The following PCDH9 variants were observed in gnomAD, a reference collection of about 807,000 sequenced individuals.
PCDH9 encodes the protein protocadherin 9.
In PCDH9, 24 loss-of-function variants were observed where a neutral mutation model predicts 70.6. The observed-to-expected ratio is 0.34, with a 90% CI of 0.25 to 0.48. PCDH9 has a LOEUF of 0.48. PCDH9 is among the 20% of genes least tolerant of loss of function. The pLI is 0.99. For synonymous variants in PCDH9, 562 were observed against 558.5 expected, an observed-to-expected ratio of 1.01 and a Z score of -0.09; for missense variants, 1,281 against 1,503.6, an observed-to-expected ratio of 0.85 and a Z score of 2.45.
At chr13:66,735,449 G>T (rs2079133846) in intron 3 of PCDH9, among the ~76,000 whole-genome samples, 1 of 152,000 alleles carries the variant, frequency 6.6e-6, no homozygotes, top group Non-Finnish European at 1.5e-5. Flanking sequence ...ACAGACAGAT[G>T]TATATATAAC....
chr13:66,824,287 C>T (rs1304975791), intron 3 of PCDH9, among the ~76,000 whole-genome samples: 1 of 132,078 alleles, frequency 7.6e-6, no homozygotes, highest in African/African-American at 2.8e-5. Flanking sequence ...AAAATTTTGC[C>T]CTCATTTGTT....
intron 3 of PCDH9, among the ~76,000 whole-genome samples, chr13:66,699,754 C>T (rs2078612793): frequency 1.3e-5 from 2 of 152,120 alleles, no homozygotes; most frequent in Non-Finnish European, 2.9e-5. Context: ...ATGTAAGATA[C>T]TCAGTTGGTG....
At chr13:66,651,442 G>C (rs1014670219) in intron 3 of PCDH9, among the ~76,000 whole-genome samples, 1 of 151,924 alleles carries the variant, frequency 6.6e-6, no homozygotes, top group Non-Finnish European at 1.5e-5. Context: ...AACCTACAAA[G>C]ATTGAACCAT....
intron 3 of PCDH9, among the ~76,000 whole-genome samples, chr13:66,753,655 A>G (rs1051795562): frequency 6.6e-6 from 1 of 152,188 alleles, no homozygotes; most frequent in Non-Finnish European, 1.5e-5. Flanking sequence ...TCTATAGCAC[A>G]CTACTCTCTA....
At chr13:66,410,859 T>A (rs1878837571) in intron 4 of PCDH9, among the ~76,000 whole-genome samples, 1 of 152,216 alleles carries the variant, frequency 6.6e-6, no homozygotes, top group African/African-American at 2.4e-5. Context: ...TATATCTCTG[T>A]TACCAAAAAA....
At chr13:67,164,574 CAAAAAAAAA>C (rs56207174) in intron 2 of PCDH9, among the ~76,000 whole-genome samples, 2 of 137,196 alleles carry the variant, frequency 1.5e-5, no homozygotes, top group African/African-American at 5.4e-5. Flanking sequence ...ACTCCATCTC[CAAAAAAAAA>C]AAAAAAAGAA....
chr13:66,505,712 C>T (rs1420247360), intron 4 of PCDH9, among the ~76,000 whole-genome samples: 3 of 152,162 alleles, frequency 2.0e-5, no homozygotes, highest in African/African-American at 7.2e-5. Flanking sequence ...ACGAGAACAG[C>T]ACAGGAAAGA....
At chr13:67,189,381 T>C (rs2088849848) in intron 2 of PCDH9, among the ~76,000 whole-genome samples, 4 of 152,086 alleles carry the variant, frequency 2.6e-5, no homozygotes. Flanking sequence ...TGATAGTCAC[T>C]GTAGTACTGT....
At chr13:67,148,470 T>C (rs1288298941) in intron 2 of PCDH9, among the ~76,000 whole-genome samples, 3 of 151,864 alleles carry the variant, frequency 2.0e-5, no homozygotes, top group African/African-American at 4.8e-5. Flanking sequence ...AAGAAAAAAG[T>C]AATTATGTTG....
intron 2 of PCDH9, among the ~76,000 whole-genome samples, chr13:67,176,603 CT>C (rs951257639): frequency 6.6e-6 from 1 of 151,920 alleles, no homozygotes; most frequent in Non-Finnish European, 1.5e-5. Flanking sequence ...CAGAGCTTCA[CT>C]TTTCCTGTAG....
chr13:66,333,806 G>T (rs920130431), intron 4 of PCDH9, among the ~76,000 whole-genome samples: 3 of 152,074 alleles, frequency 2.0e-5, no homozygotes, highest in Non-Finnish European at 4.4e-5. Flanking sequence ...ACCCTGTGAT[G>T]GTTAATGTTC....
rs530836089 is a variant in PCDH9 at position 66,892,230 on chromosome 13, T to C, written c.3138+11274A>G. 1.2e-4 allele frequency among the ~76,000 whole-genome samples: 18 copies of C among 147,332 alleles called. No individual in the cohort carries two copies. In the South Asian group the frequency reaches 3.8e-3, roughly 31 times the overall value. Reference sequence around the variant, plus strand: ...TGTGTATATATATAATATATATATATAATGTGTGTGTGTATATATATATAC... The same window carrying C: ...TGTGTATATATATAATATATATATACAATGTGTGTGTGTATATATATATAC... On this transcript the variant is annotated intron_variant, in intron 3 of 4. Coordinates refer to ENST00000377865, the MANE Select transcript of PCDH9 (RefSeq NM_203487.3).
At chr13:67,110,342 C>T (rs1214752531) in intron 2 of PCDH9, among the ~76,000 whole-genome samples, 1 of 151,518 alleles carries the variant, frequency 6.6e-6, no homozygotes, top group Non-Finnish European at 1.5e-5. Flanking sequence ...CGGTGAAACC[C>T]CGTCTCCACT....
intron 4 of PCDH9, among the ~76,000 whole-genome samples, chr13:66,467,322 G>A (rs1397502474): frequency 6.6e-6 from 1 of 152,048 alleles, no homozygotes; most frequent in African/African-American, 2.4e-5. Flanking sequence ...CTGGTCCTCT[G>A]TCATAAAGAC....
At chr13:66,907,476 G>A (rs1021846503) in intron 2 of PCDH9, among the ~76,000 whole-genome samples, 1 of 152,126 alleles carries the variant, frequency 6.6e-6, no homozygotes, top group Admixed American at 6.5e-5. Context: ...TTGAAAGTCT[G>A]TATTGCAATA....
intron 4 of PCDH9, among the ~76,000 whole-genome samples, chr13:66,396,063 TGA>T (rs1957096698): frequency 6.6e-6 from 1 of 152,094 alleles, no homozygotes; most frequent in South Asian, 2.1e-4. Flanking sequence ...GTAGGAAGGT[TGA>T]GTTTGTATAT....
chr13:66,467,378 G>C (rs961744343), intron 4 of PCDH9, among the ~76,000 whole-genome samples: 2 of 151,994 alleles, frequency 1.3e-5, no homozygotes, highest in African/African-American at 4.8e-5. Context: ...AAGCCTCCAT[G>C]CATAGTCAGG....
At chr13:66,801,183 T>C (rs534906229) in intron 3 of PCDH9, among the ~76,000 whole-genome samples, 28 of 152,138 alleles carry the variant, frequency 1.8e-4, no homozygotes, top group African/African-American at 5.8e-4. Context: ...ATGAACATAA[T>C]TGAAAATAAG....
At chr13:66,467,399 T>C (rs991416712) in intron 4 of PCDH9, among the ~76,000 whole-genome samples, 1 of 152,044 alleles carries the variant, frequency 6.6e-6, no homozygotes, top group African/African-American at 2.4e-5. Flanking sequence ...TACCTATGTC[T>C]ACTCACTAGA....
Sources: allele counts gnomAD v4.1 joint callset (sites outside exome capture counted in the v4.1 genomes callset), GRCh38; gene constraint gnomAD v4.1.1; transcripts MANE v1.5; gene names NCBI Gene and HGNC (gene_info 2026-07-23, HGNC 2026-07-21).